The following ST6GALNAC3 variants were observed in gnomAD, a reference collection of about 807,000 sequenced individuals.
ST6GALNAC3 encodes ST6 N-acetylgalactosaminide alpha-2,6-sialyltransferase 3, also known as alpha-N-acetylgalactosaminide alpha-2,6-sialyltransferase 3.
ST6GALNAC3 carries 25 observed loss-of-function variants against 32.7 expected under a neutral mutation model. That is an observed-to-expected ratio of 0.76 (90% CI 0.56 to 1.07). The LOEUF is 1.07. Among genes scored for constraint, ST6GALNAC3 ranks in the 50% least tolerant of loss-of-function variants. The probability of loss-of-function intolerance (pLI) is 0.00; values close to 1 mark genes in which losing one functional copy is unlikely to be tolerated. For missense variants in ST6GALNAC3, 355 were observed against 382.4 expected (o/e 0.93, Z 0.60); for synonymous variants, 129 against 133.1 (o/e 0.97, Z 0.21).
chr1:76,116,632 T>C (rs1412219982), intron 1 of ST6GALNAC3, among the ~76,000 whole-genome samples: 1 of 151,210 alleles, frequency 6.6e-6, no homozygotes, highest in Non-Finnish European at 1.5e-5. Context: ...CCACAGAGAG[T>C]ATTTAAAGTA....
At chr1:76,151,375 TAAAGATATA>T (rs1320438615) in intron 1 of ST6GALNAC3, among the ~76,000 whole-genome samples, 1 of 152,138 alleles carries the variant, frequency 6.6e-6, no homozygotes, top group East Asian at 1.9e-4. Context: ...AGGCGTGGCT[TAAAGATATA>T]AGGCCAGGCC....
chr1:76,359,004 A>G (rs1039684402), intron 2 of ST6GALNAC3, among the ~76,000 whole-genome samples: 1 of 152,194 alleles, frequency 6.6e-6, no homozygotes, highest in African/African-American at 2.4e-5. Flanking sequence ...TCAGGTTATT[A>G]AAATACATAT....
intron 3 of ST6GALNAC3, among the ~76,000 whole-genome samples, chr1:76,459,503 G>T (rs1475143663): frequency 6.6e-6 from 1 of 151,704 alleles, no homozygotes. Context: ...GGCAGAGCTT[G>T]CAGTGAGTGG....
chr1:76,364,820 G>A (rs762617293), intron 2 of ST6GALNAC3, among the ~76,000 whole-genome samples: 28 of 151,978 alleles, frequency 1.8e-4, no homozygotes, highest in Admixed American at 9.2e-4. Context: ...TTAAAAAGTC[G>A]GAAAATGACA....
At chr1:76,556,375 TC>T (rs201194693) in intron 3 of ST6GALNAC3, among the ~76,000 whole-genome samples, 19 of 152,150 alleles carry the variant, frequency 1.2e-4, no homozygotes, top group African/African-American at 4.6e-4. Context: ...TAAGTTTTTT[TC>T]TTTTTTGGAT....
At chr1:76,572,927 C>T (rs879336655) in intron 3 of ST6GALNAC3, among the ~76,000 whole-genome samples, 6 of 152,102 alleles carry the variant, frequency 3.9e-5, no homozygotes, top group African/African-American at 7.2e-5. Context: ...TCACTAAGGA[C>T]GAAAATGAAA....
intron 2 of ST6GALNAC3, among the ~76,000 whole-genome samples, chr1:76,384,812 A>G (rs1298369000): frequency 2.0e-5 from 3 of 152,130 alleles, no homozygotes; most frequent in African/African-American, 7.2e-5. Context: ...ATTTGGCATG[A>G]AAGGAAGTAT....
At chr1:76,329,298 T>G (rs1351464598) in intron 2 of ST6GALNAC3, among the ~76,000 whole-genome samples, 1 of 152,164 alleles carries the variant, frequency 6.6e-6, no homozygotes. Context: ...GTCATGCCCA[T>G]GAGCCTCCTC....
chr1:76,140,780 T>G (rs1216143217), intron 1 of ST6GALNAC3, among the ~76,000 whole-genome samples: 2 of 149,012 alleles, frequency 1.3e-5, no homozygotes, highest in African/African-American at 2.5e-5. Flanking sequence ...CATGCCCAGC[T>G]AAATTTTAAT....
At chr1:76,391,668 C>G (rs1052088049) in intron 2 of ST6GALNAC3, among the ~76,000 whole-genome samples, 8 of 151,276 alleles carry the variant, frequency 5.3e-5, no homozygotes, top group Admixed American at 5.3e-4. Context: ...TCACTTTCAT[C>G]CAACTATCCC....
chr1:76,612,222 G>A (rs568620350), intron 3 of ST6GALNAC3, among the ~76,000 whole-genome samples: 3 of 152,124 alleles, frequency 2.0e-5, no homozygotes, highest in African/African-American at 4.8e-5. Flanking sequence ...CTCTGTTATC[G>A]TGAGCCAGGT....
chr1:76,253,922 T>C (rs1049619923), intron 1 of ST6GALNAC3, among the ~76,000 whole-genome samples: 2 of 152,124 alleles, frequency 1.3e-5, no homozygotes, highest in African/African-American at 4.8e-5. Flanking sequence ...CTTGGGATCA[T>C]TCAAAGGATT....
At chr1:76,525,690 G>A (rs1662824980) in intron 3 of ST6GALNAC3, among the ~76,000 whole-genome samples, 1 of 149,076 alleles carries the variant, frequency 6.7e-6, no homozygotes, top group South Asian at 2.1e-4. Context: ...CATTCCACCT[G>A]AATATTACAT....
chr1:76,150,254 G>T (rs113089142), intron 1 of ST6GALNAC3, among the ~76,000 whole-genome samples: 5 of 152,122 alleles, frequency 3.3e-5, no homozygotes, highest in Admixed American at 6.5e-5. Flanking sequence ...TGGCTTTTAC[G>T]TTGAGTGCTT....
Position 76,627,505 on chromosome 1 carries a change from T to C in ST6GALNAC3, c.677T>C (p.Met226Thr). The C allele has an allele frequency of 6.2e-7, 1 of 1,612,792 alleles. No individual in the cohort carries two copies. The highest frequency in any genetic ancestry group is 1.1e-5 in the South Asian group (1 of 91,040). Residue 226 changes from methionine to threonine, a missense_variant, in exon 4 of 5, where the codon ATG (methionine) becomes ACG (threonine). Transcript: ENST00000328299. ...STGWFTFLLA[M>T]DACYGIHVYG... ...GGGTGGTTTACCTTCCTTCTGGCCATGGACGCCTGTTATGGCATTCACGTC... is the reference window on the plus strand; with the variant it reads ...GGGTGGTTTACCTTCCTTCTGGCCACGGACGCCTGTTATGGCATTCACGTC...
chr1:76,526,351 A>G (rs911189781), intron 3 of ST6GALNAC3, among the ~76,000 whole-genome samples: 3 of 152,072 alleles, frequency 2.0e-5, no homozygotes, highest in Admixed American at 1.3e-4. Context: ...CCTTGTGGTT[A>G]CAACTTCAAG....
chr1:76,492,598 A>C (rs550493294), intron 3 of ST6GALNAC3, among the ~76,000 whole-genome samples: 1 of 152,208 alleles, frequency 6.6e-6, no homozygotes, highest in Non-Finnish European at 1.5e-5. Context: ...GCCAACCCCC[A>C]TGTTGTAACA....
At chr1:76,203,863 GTCTTT>G (rs1359717219) in intron 1 of ST6GALNAC3, among the ~76,000 whole-genome samples, 1 of 152,088 alleles carries the variant, frequency 6.6e-6, no homozygotes. Context: ...TTAAATATAT[GTCTTT>G]TCTTCATGCT....
intron 1 of ST6GALNAC3, among the ~76,000 whole-genome samples, chr1:76,225,921 C>T (rs952404880): frequency 2.6e-5 from 4 of 152,146 alleles, no homozygotes; most frequent in African/African-American, 9.7e-5. Context: ...ATTCACACAC[C>T]TGTCACCCAA....
Sources: gnomAD v4.1 joint callset for allele counts (sites outside exome capture counted in the v4.1 genomes callset) on GRCh38, gnomAD v4.1.1 for gene constraint, MANE v1.5 for transcripts, NCBI Gene and HGNC (gene_info 2026-07-23, HGNC 2026-07-21) for gene names.